Variants in MPPED1 observed in about 807,000 individuals in gnomAD.
MPPED1 encodes metallophosphoesterase domain containing 1.
In MPPED1, 16 loss-of-function variants were observed where a neutral mutation model predicts 36.2. The ratio of observed to expected loss-of-function variants is 0.44; its 90% CI spans 0.30 to 0.67. MPPED1 has a LOEUF of 0.67. Ranked by LOEUF, MPPED1 falls within the 30% of genes least tolerant of loss-of-function variation. The pLI, the probability that MPPED1 is intolerant of heterozygous loss-of-function variation, is 0.10. For missense variants in MPPED1, 307 were observed against 453.4 expected, an observed-to-expected ratio of 0.68 and a Z score of 2.93; for synonymous variants, 199 against 191.3, an observed-to-expected ratio of 1.04 and a Z score of -0.33.
At chr22:43,425,440 G>A (rs185007990) in intron 2 of MPPED1, among the ~76,000 whole-genome samples, 432 of 152,360 alleles carry the variant, frequency 2.8e-3, no homozygotes, top group Non-Finnish European at 5.1e-3. Flanking sequence ...GTTTCACTTG[G>A]CCAGGAGCAT....
Position 43,505,407 on chromosome 22 carries a change from A to G in MPPED1, c.863-91A>G, listed in dbSNP as rs1310708784. ...AGCTTGCCCCAAACACATTCAGCCC[A>G]CAGGGGCTGAGTGCCCTATGACTGC... On this transcript the variant is annotated intron_variant, in intron 6 of 6. Coordinates refer to ENST00000443721, the MANE Select transcript of MPPED1 (RefSeq NM_001044370.2). The G allele has an allele frequency of 2.6e-6, 3 of 1,136,032 alleles. No homozygotes were observed. In the Admixed American group the frequency reaches 6.3e-5, roughly 24 times the overall value. 70.4% of individuals were successfully genotyped at this position (1,136,032 alleles called of 1,614,324 possible).
At chr22:43,432,815 A>AGG (rs1929790184) in intron 2 of MPPED1, among the ~76,000 whole-genome samples, 6 of 105,268 alleles carry the variant, frequency 5.7e-5, no homozygotes, top group African/African-American at 1.6e-4. Flanking sequence ...AAGGGAGGAG[A>AGG]GAGAGAGAAA....
intron 3 of MPPED1, among the ~76,000 whole-genome samples, chr22:43,449,035 T>C (rs1252884812): frequency 2.6e-5 from 4 of 152,150 alleles, no homozygotes; most frequent in African/African-American, 7.2e-5. Flanking sequence ...TTGATATTTA[T>C]GGTCAGCAGT....
intron 1 of MPPED1, among the ~76,000 whole-genome samples, chr22:43,414,392 A>G (rs1929006547): frequency 6.6e-6 from 1 of 152,176 alleles, no homozygotes; most frequent in Non-Finnish European, 1.5e-5. Flanking sequence ...GGGCAGCATT[A>G]AGGAGAAAAA....
chr22:43,459,698 G>A (rs566081116), intron 3 of MPPED1, among the ~76,000 whole-genome samples: 89 of 152,250 alleles, frequency 5.8e-4, no homozygotes, highest in African/African-American at 2.1e-3. Flanking sequence ...CCTTATTGAT[G>A]TGCTTTATTT....
chr22:43,447,883 A>ATATTT (rs1321289636), intron 3 of MPPED1, among the ~76,000 whole-genome samples: 1,487 of 67,680 alleles, frequency 0.022, 82 homozygotes, highest in African/African-American at 0.084. Flanking sequence ...ATATATATAT[A>ATATTT]TTTTTTTTTT....
rs1040316341 is a variant in MPPED1 at position 43,424,938 on chromosome 22, TGCGGTGGCGGCA to T, written c.-40_-29del. On this transcript the variant is annotated 5_prime_UTR_variant, in exon 2 of 7. Transcript: ENST00000443721. The stretch of plus-strand genomic sequence containing the variant: ...TTCCAGGTCTGGCGGGGGGCCGGGC[TGCGGTGGCGGCA>T]GCGGTGGGAGATGCCGGGGCGGCCG... 2.6e-6 allele frequency: 4 copies of T among 1,543,726 alleles called. No homozygotes were observed. The African/African-American group carries it at 5.5e-5, about 21-fold the overall frequency.
At chr22:43,441,265 C>T (rs551773891) in intron 3 of MPPED1, among the ~76,000 whole-genome samples, 2 of 152,314 alleles carry the variant, frequency 1.3e-5, no homozygotes, top group South Asian at 4.1e-4. Context: ...CCTATGTCCC[C>T]TCTCCTTTCC....
chr22:43,412,233 C>A (rs1928927208), intron 1 of MPPED1, 75 bp downstream of exon 1: 2 of 871,030 alleles, frequency 2.3e-6, no homozygotes, highest in East Asian at 1.2e-4. Context: ...GGACCCTCTC[C>A]AGGCGCTGGG....
intron 3 of MPPED1, among the ~76,000 whole-genome samples, chr22:43,463,869 TTC>T (rs1443996852): frequency 3.1e-5 from 4 of 130,768 alleles, no homozygotes; most frequent in Non-Finnish European, 6.7e-5. Flanking sequence ...CTTTCTTTCT[TTC>T]TTTCTCTTTC....
rs1367410604 is a variant in MPPED1, at chr22:43,500,149, GGGT to G, written c.748+1810_748+1812del. Reference sequence around the variant, plus strand: ...ATGGAGGTGGTAATGGAGGTGGTGGGGGTGGTGGTGGTGATGGTGATGGAGGTG... The same window carrying G: ...ATGGAGGTGGTAATGGAGGTGGTGGGGGTGGTGGTGATGGTGATGGAGGTG... On this transcript the variant is annotated intron_variant, in intron 5 of 6. Coordinates refer to ENST00000443721, the MANE Select transcript of MPPED1 (RefSeq NM_001044370.2). 8.8e-5 allele frequency among the ~76,000 whole-genome samples: 5 copies of G among 56,758 alleles called. 1 individual carries two copies. 37.2% of individuals were successfully genotyped at this position (56,758 alleles called of 152,430 possible).
At chr22:43,491,270 G>A (rs530700258) in intron 4 of MPPED1, among the ~76,000 whole-genome samples, 5 of 152,304 alleles carry the variant, frequency 3.3e-5, no homozygotes, top group Admixed American at 1.3e-4. Context: ...GATATAGGAG[G>A]TGATGGTGAT....
At chr22:43,432,125 C>T (rs898331875) in intron 2 of MPPED1, among the ~76,000 whole-genome samples, 2 of 152,164 alleles carry the variant, frequency 1.3e-5, no homozygotes, top group African/African-American at 4.8e-5. Flanking sequence ...TGCTCCCTGT[C>T]TCTCCCATCT....
chr22:43,502,121 C>G lies in MPPED1; in HGVS notation c.749-523C>G, dbSNP rs1214355263. ...CGCAGGCGCAGCCACGTGAGCGATG[C>G]TGCACCCACGGAGGAAGTTTCTGCT... On this transcript the variant is annotated intron_variant, in intron 5 of 6. Transcript: ENST00000443721. This position sits in a 1 kb window ranked among gnomAD's most constrained non-coding sequence, Gnocchi z 5.5. 6.6e-6 allele frequency among the ~76,000 whole-genome samples: 1 copy of G among 152,164 alleles called. No homozygotes were observed. Among genetic ancestry groups the G allele is most frequent in the Non-Finnish European group, 1.5e-5 (1 of 68,024 alleles).
rs1040950400 is a variant in MPPED1 at position 43,502,862 on chromosome 22, T to C, written c.862+105T>C. The C allele has an allele frequency of 4.0e-5, 38 of 940,288 alleles. No individual in the cohort carries two copies. Among genetic ancestry groups the C allele is most frequent in the Non-Finnish European group, 6.3e-5 (37 of 587,146 alleles). 58.2% of individuals were successfully genotyped at this position (940,288 alleles called of 1,614,324 possible). Reference sequence around the variant, plus strand: ...GCCAGAAGGGAAATAAATAGCCCATTCCTACTGTTCGCTTTGTAACTGCTA... The same window carrying C: ...GCCAGAAGGGAAATAAATAGCCCATCCCTACTGTTCGCTTTGTAACTGCTA... On this transcript the variant is annotated intron_variant, in intron 6 of 6. Coordinates refer to ENST00000443721, the MANE Select transcript of MPPED1 (RefSeq NM_001044370.2). The surrounding 1 kb of genome is among the most constrained non-coding windows in gnomAD (Gnocchi z 5.5).
intron 2 of MPPED1, among the ~76,000 whole-genome samples, chr22:43,433,821 A>G (rs958070276): frequency 3.9e-5 from 6 of 152,182 alleles, no homozygotes; most frequent in African/African-American, 1.4e-4. Flanking sequence ...CTGATATGGC[A>G]CCGCTTTTGG....
chr22:43,418,322 G>A (rs1471326989), intron 1 of MPPED1: 13 of 354,258 alleles, frequency 3.7e-5, no homozygotes, highest in South Asian at 1.5e-4. Flanking sequence ...CAAGTCACAC[G>A]GTGAAGCAAA....
At chr22:43,457,319 G>A (rs1930788530) in intron 3 of MPPED1, among the ~76,000 whole-genome samples, 1 of 152,066 alleles carries the variant, frequency 6.6e-6, no homozygotes, top group Non-Finnish European at 1.5e-5. Flanking sequence ...TGCTGGTATA[G>A]CGACTACAGC....
At chr22:43,459,112 T>C (rs1304672303) in intron 3 of MPPED1, among the ~76,000 whole-genome samples, 1 of 152,222 alleles carries the variant, frequency 6.6e-6, no homozygotes, top group Non-Finnish European at 1.5e-5. Context: ...TCTCACTCTG[T>C]CACCCAGGCT....
Sources: allele counts gnomAD v4.1 joint callset (sites outside exome capture counted in the v4.1 genomes callset), GRCh38; gene constraint gnomAD v4.1.1; non-coding constraint Gnocchi (gnomAD v3.1); transcripts MANE v1.5; gene names NCBI Gene and HGNC (gene_info 2026-07-23, HGNC 2026-07-21).